The following PLAC1 variants were observed in gnomAD, a reference collection of about 807,000 sequenced individuals.
PLAC1 encodes placenta associated 1, also known as placenta-specific protein 1.
For synonymous variants in PLAC1, 68 were observed against 62.1 expected (o/e 1.09, Z -0.44); for missense variants, 136 against 163.2 (o/e 0.83, Z 0.91).
At chrX:134,569,695 C>A (rs2077895197) in intron 2 of PLAC1, among the ~76,000 whole-genome samples, 1 of 107,562 alleles carries the variant, frequency 9.3e-6, no homozygotes, top group African/African-American at 3.4e-5. Flanking sequence ...AGCAGGGCAG[C>A]CTCCCTTCTC....
In PLAC1 at chrX:134,741,801, A is replaced by C. The variant is rs376079949; in HGVS notation, n.90-8282T>G. Among the ~76,000 whole-genome samples the C allele has an allele frequency of 2.7e-5, 3 of 110,409 alleles. No homozygotes were observed. The East Asian group carries it at 8.5e-4, about 31-fold the overall frequency. Reference sequence around the variant, plus strand: ...AAAAGAATGAGATGCCTCCAAACCGAGCATGTTTCCCATTTTCCACTCTCT... The same window carrying C: ...AAAAGAATGAGATGCCTCCAAACCGCGCATGTTTCCCATTTTCCACTCTCT... On this transcript the variant is annotated intron_variant and non_coding_transcript_variant, in intron 1 of 2. Coordinates refer to the PLAC1 transcript ENST00000466797.
At chrX:134,654,100 A>G (rs935362801) in intron 1 of PLAC1, among the ~76,000 whole-genome samples, 3 of 111,980 alleles carry the variant, frequency 2.7e-5, no homozygotes, top group African/African-American at 9.7e-5. Flanking sequence ...AACGATTGCA[A>G]GAGGAGGCAA....
intron 1 of PLAC1, among the ~76,000 whole-genome samples, chrX:134,629,257 T>G (rs958765964): frequency 7.1e-5 from 8 of 111,975 alleles, no homozygotes; most frequent in Non-Finnish European, 1.3e-4. Flanking sequence ...TGGTTGATTA[T>G]TTGCACTGAT....
At chrX:134,735,617 G>C (rs778344383) in intron 1 of PLAC1, among the ~76,000 whole-genome samples, 7 of 109,548 alleles carry the variant, frequency 6.4e-5, no homozygotes, top group African/African-American at 2.3e-4. Context: ...TATAGGTCAT[G>C]GCTAGCAGGG....
intron 1 of PLAC1, among the ~76,000 whole-genome samples, chrX:134,736,845 G>A (rs1434860975): frequency 8.9e-6 from 1 of 112,233 alleles, no homozygotes; most frequent in Non-Finnish European, 1.9e-5. Flanking sequence ...GAAGGGCATT[G>A]TGTTTGATTC....
intron 1 of PLAC1, chrX:134,651,040 C>T (rs1414229542): frequency 2.0e-5 from 5 of 255,508 alleles, no homozygotes; most frequent in Non-Finnish European, 4.0e-5. Flanking sequence ...CGACTGAAAT[C>T]TTCCCAGAAA....
intron 1 of PLAC1, among the ~76,000 whole-genome samples, chrX:134,631,343 G>A (rs901968653): frequency 3.6e-5 from 4 of 111,789 alleles, no homozygotes; most frequent in Non-Finnish European, 7.5e-5. Flanking sequence ...TTAAGCCAAG[G>A]CCCAGCAGAA....
chrX:134,630,205 G>A lies in PLAC1; in HGVS notation c.-130-28083C>T, dbSNP rs190499471. ...AGGCTGGTCTCAAACTCCCGACCTC[G>A]GGTGATCTGCCCCCCTCGGCCTCCC... On this transcript the variant is annotated intron_variant, in intron 1 of 2. Transcript: ENST00000359237. 4.8e-3 allele frequency among the ~76,000 whole-genome samples: 537 copies of A among 110,965 alleles called. 5 individuals carry two copies. The highest frequency in any genetic ancestry group is 8.0e-3 in the Non-Finnish European group (425 of 52,886).
chrX:134,661,675 T>C (rs1271496052), upstream of PLAC1, among the ~76,000 whole-genome samples: 1 of 111,911 alleles, frequency 8.9e-6, no homozygotes, highest in Admixed American at 9.5e-5. Flanking sequence ...CTAAAATCAT[T>C]TCCTATTTTA....
chrX:134,739,582 C>A (rs1206727458), intron 1 of PLAC1, among the ~76,000 whole-genome samples: 1 of 112,350 alleles, frequency 8.9e-6, no homozygotes, highest in Non-Finnish European at 1.9e-5. Context: ...TCTCCATGGC[C>A]AATGCTACCA....
chrX:134,675,666 A>C (rs958483800), intron 2 of PLAC1, among the ~76,000 whole-genome samples: 1 of 99,936 alleles, frequency 1.0e-5, no homozygotes, highest in Admixed American at 1.1e-4. Flanking sequence ...ACTCCATCTC[A>C]AAAAAAAAAA....
intron 2 of PLAC1, among the ~76,000 whole-genome samples, chrX:134,722,621 T>C (rs1027686295): frequency 2.7e-5 from 3 of 111,877 alleles, no homozygotes; most frequent in Non-Finnish European, 5.6e-5. Flanking sequence ...TTTACAACTT[T>C]CTAAATATAC....
At chrX:134,611,447 T>C (rs2078151719) in intron 1 of PLAC1, among the ~76,000 whole-genome samples, 1 of 108,040 alleles carries the variant, frequency 9.3e-6, no homozygotes, top group Non-Finnish European at 1.9e-5. Context: ...CTGAGTGCCT[T>C]AGTTTCTTTA....
chrX:134,668,660 T>C (rs1477559364), intron 2 of PLAC1, among the ~76,000 whole-genome samples: 1 of 113,002 alleles, frequency 8.8e-6, no homozygotes, highest in Non-Finnish European at 1.9e-5. Flanking sequence ...CCGGCCATAA[T>C]GGCCAGCTCA....
rs778514601 is a variant in PLAC1, at chrX:134,566,627, G to T, written c.56C>A (p.Ala19Asp). The part of the protein sequence containing the change: ...LMILLTSAFS[A>D]GSGQSPMTVL... ...AGTCATTGGACTTTGTCCTGAACCGGCTGAAAACGCAGAGGTGAGGAGGAT... is the reference window on the plus strand; with the variant it reads ...AGTCATTGGACTTTGTCCTGAACCGTCTGAAAACGCAGAGGTGAGGAGGAT... Residue 19 changes from alanine to aspartate, a missense_variant, in exon 3 of 3, where the codon GCC becomes GAC. Ala to Asp is a moderately radical substitution (Grantham distance 126). Transcript: ENST00000359237. The T allele has an allele frequency of 3.3e-6, 4 of 1,207,385 alleles. No homozygotes were observed. The highest frequency in any genetic ancestry group is 3.4e-6 in the Non-Finnish European group (3 of 892,106).
intron 1 of PLAC1, chrX:134,651,062 G>T (rs1190390404): frequency 7.1e-6 from 2 of 280,043 alleles, no homozygotes; most frequent in Non-Finnish European, 1.5e-5. Context: ...TCCAAGTCTG[G>T]CTAGTATGTG....
At chrX:134,648,832 C>T (rs960612153) in intron 1 of PLAC1, among the ~76,000 whole-genome samples, 1 of 112,228 alleles carries the variant, frequency 8.9e-6, no homozygotes, top group African/African-American at 3.2e-5. Context: ...CTCTCTACTG[C>T]TTAAGCTAAG....
intron 1 of PLAC1, among the ~76,000 whole-genome samples, chrX:134,763,923 G>A (rs2078777606): frequency 9.0e-6 from 1 of 111,032 alleles, no homozygotes; most frequent in East Asian, 2.8e-4. Context: ...AAAAGAACCC[G>A]GCAAGAGCAT....
intron 2 of PLAC1, among the ~76,000 whole-genome samples, chrX:134,587,492 G>A (rs1402336223): frequency 9.0e-6 from 1 of 110,883 alleles, no homozygotes; most frequent in Non-Finnish European, 1.9e-5. Flanking sequence ...GAGCTGGGAG[G>A]ATCGCTTGAG....
Sources: allele counts gnomAD v4.1 joint callset (sites outside exome capture counted in the v4.1 genomes callset), GRCh38; gene constraint gnomAD v4.1.1; transcripts MANE v1.5; gene names NCBI Gene and HGNC (gene_info 2026-07-23, HGNC 2026-07-21).